Variants in UNC5C observed in about 807,000 individuals in gnomAD.
UNC5C encodes netrin receptor UNC5C.
In UNC5C, 47 loss-of-function variants were observed where a neutral mutation model predicts 99.8. The ratio of observed to expected loss-of-function variants is 0.47; its 90% CI spans 0.37 to 0.60. The LOEUF (loss-of-function observed/expected upper bound fraction) is 0.60, where lower values mean the gene tolerates loss of function less well. Among genes scored for constraint, UNC5C ranks in the 20% least tolerant of loss-of-function variants. The pLI, the probability that UNC5C is intolerant of heterozygous loss-of-function variation, is 0.00. For missense variants in UNC5C, 1,062 were observed against 1,165.9 expected, an observed-to-expected ratio of 0.91 and a Z score of 1.30; for synonymous variants, 487 against 452.2, an observed-to-expected ratio of 1.08 and a Z score of -0.98.
chr4:95,420,688 ATTATC>A (rs973565235), intron 1 of UNC5C, among the ~76,000 whole-genome samples: 2 of 152,184 alleles, frequency 1.3e-5, no homozygotes, highest in Admixed American at 6.5e-5. Flanking sequence ...GGTAGAAAAC[ATTATC>A]TTATCTTTCA....
intron 7 of UNC5C, among the ~76,000 whole-genome samples, chr4:95,229,514 A>C (rs1483274977): frequency 6.6e-6 from 1 of 152,066 alleles, no homozygotes; most frequent in Admixed American, 6.5e-5. Context: ...CATTTTCTTT[A>C]AGCAGTCTAT....
At chr4:95,514,267 C>T (rs957847240) in intron 1 of UNC5C, among the ~76,000 whole-genome samples, 4 of 152,120 alleles carry the variant, frequency 2.6e-5, no homozygotes, top group African/African-American at 9.7e-5. Flanking sequence ...ATTTAAATGT[C>T]TATATTCAGT....
chr4:95,453,016 T>G (rs1747320552), intron 1 of UNC5C, among the ~76,000 whole-genome samples: 1 of 152,088 alleles, frequency 6.6e-6, no homozygotes, highest in Admixed American at 6.6e-5. Flanking sequence ...TTCCTACTAT[T>G]CCATGCAAAA....
intron 12 of UNC5C, among the ~76,000 whole-genome samples, chr4:95,193,792 C>A (rs10014092): frequency 0.024 from 3,709 of 152,224 alleles, 150 homozygotes; most frequent in African/African-American, 0.084. Flanking sequence ...CATGCTCTGT[C>A]CCCTCCTCTC....
chr4:95,471,913 G>A (rs1330182755), intron 1 of UNC5C, among the ~76,000 whole-genome samples: 2 of 151,934 alleles, frequency 1.3e-5, no homozygotes, highest in Non-Finnish European at 2.9e-5. Context: ...TAGGTTAGAG[G>A]TATTTTAGGC....
intron 1 of UNC5C, among the ~76,000 whole-genome samples, chr4:95,401,470 G>GT (rs1261770579): frequency 1.3e-5 from 2 of 151,798 alleles, no homozygotes; most frequent in African/African-American, 4.8e-5. Flanking sequence ...CCAGGCTAAG[G>GT]TTTTTTTGTA....
At chr4:95,491,367 A>G (rs1045034947) in intron 1 of UNC5C, among the ~76,000 whole-genome samples, 12 of 151,698 alleles carry the variant, frequency 7.9e-5, no homozygotes, top group African/African-American at 2.9e-4. Flanking sequence ...TAGGATAAGA[A>G]ACATTTGGTG....
intron 12 of UNC5C, among the ~76,000 whole-genome samples, chr4:95,197,281 C>A (rs1374324646): frequency 6.6e-6 from 1 of 151,406 alleles, no homozygotes; most frequent in African/African-American, 2.4e-5. Flanking sequence ...GGACTCATTC[C>A]CTGAGAATAA....
At chr4:95,544,351 C>T (rs1011045469) in intron 1 of UNC5C, among the ~76,000 whole-genome samples, 5 of 152,264 alleles carry the variant, frequency 3.3e-5, no homozygotes, top group East Asian at 1.9e-4. Flanking sequence ...GCTGTTGCAA[C>T]GCAAACTTAG....
intron 1 of UNC5C, among the ~76,000 whole-genome samples, chr4:95,505,299 A>G (rs28655535): frequency 0.017 from 2,627 of 152,188 alleles, 71 homozygotes; most frequent in African/African-American, 0.06. Flanking sequence ...TTCCTTCCAC[A>G]GCCAGGTCTT....
intron 1 of UNC5C, among the ~76,000 whole-genome samples, chr4:95,545,678 C>T (rs976051231): frequency 3.4e-4 from 52 of 151,738 alleles, no homozygotes; most frequent in African/African-American, 1.2e-3. Flanking sequence ...AGATAAGCAG[C>T]ATATCAATGC....
intron 2 of UNC5C, among the ~76,000 whole-genome samples, chr4:95,307,770 C>T (rs1473909501): frequency 1.3e-5 from 2 of 152,088 alleles, no homozygotes; most frequent in Non-Finnish European, 2.9e-5. Flanking sequence ...GGATCATGCA[C>T]CCTTATCAAG....
At chr4:95,407,505 G>A (rs1745863541) in intron 1 of UNC5C, among the ~76,000 whole-genome samples, 1 of 151,966 alleles carries the variant, frequency 6.6e-6, no homozygotes, top group Non-Finnish European at 1.5e-5. Flanking sequence ...AAAGGGCAGG[G>A]GTCTCCAGAA....
intron 1 of UNC5C, among the ~76,000 whole-genome samples, chr4:95,507,243 A>C (rs552540007): frequency 6.6e-6 from 1 of 152,166 alleles, no homozygotes; most frequent in Non-Finnish European, 1.5e-5. Context: ...GCAGATACAA[A>C]GGAAAGTGTT....
chr4:95,424,518 C>CTTTCTTTTTTTTTT (rs1746411107), intron 1 of UNC5C, among the ~76,000 whole-genome samples: 1 of 67,950 alleles, frequency 1.5e-5, no homozygotes, highest in Non-Finnish European at 2.7e-5. Flanking sequence ...TTTTTCTTTT[C>CTTTCTTTTTTTTTT]TTTTTTTTTT....
intron 1 of UNC5C, among the ~76,000 whole-genome samples, chr4:95,373,151 C>T (rs1372779693): frequency 6.6e-6 from 1 of 152,040 alleles, no homozygotes; most frequent in Non-Finnish European, 1.5e-5. Context: ...TTGTTTTGAC[C>T]CCTAAACGCA....
At chr4:95,216,702 A>G (rs1464257308) in intron 9 of UNC5C, among the ~76,000 whole-genome samples, 3 of 152,228 alleles carry the variant, frequency 2.0e-5, no homozygotes, top group Non-Finnish European at 2.9e-5. Flanking sequence ...ACATAACTCT[A>G]GAAAGTGAAC....
At chr4:95,391,259 C>A (rs1434191619) in intron 1 of UNC5C, among the ~76,000 whole-genome samples, 3 of 152,050 alleles carry the variant, frequency 2.0e-5, no homozygotes, top group Non-Finnish European at 4.4e-5. Context: ...TAATAGAACC[C>A]AGCTAACTTA....
chr4:95,209,227 A>G (rs998302679), intron 10 of UNC5C, among the ~76,000 whole-genome samples: 14 of 152,178 alleles, frequency 9.2e-5, no homozygotes, highest in African/African-American at 2.9e-4. Flanking sequence ...GTATAATGCT[A>G]TCGCTGTGGG....
Sources: allele counts gnomAD v4.1 joint callset (sites outside exome capture counted in the v4.1 genomes callset), GRCh38; gene constraint gnomAD v4.1.1; transcripts MANE v1.5; gene names NCBI Gene and HGNC (gene_info 2026-07-23, HGNC 2026-07-21).